RANBP9: variants seen among roughly 807,000 people sequenced by gnomAD.
RANBP9 encodes RAN binding protein 9.
Under a neutral mutation model 84.3 loss-of-function variants are expected in RANBP9, and 15 were observed. The observed-to-expected ratio is 0.18, with a 90% CI of 0.12 to 0.27. RANBP9 has a LOEUF of 0.27. Among genes scored for constraint, RANBP9 ranks in the 10% least tolerant of loss-of-function variants. RANBP9 has a pLI of 1.00. For missense variants in RANBP9, 809 were observed against 912.8 expected, an observed-to-expected ratio of 0.89 and a Z score of 1.46; for synonymous variants, 392 against 349.6, an observed-to-expected ratio of 1.12 and a Z score of -1.35.
intron 1 of RANBP9, 48 bp from the exon 2 acceptor site, chr6:13,696,944 G>A: frequency 6.9e-7 from 1 of 1,447,892 alleles, no homozygotes; most frequent in Non-Finnish European, 9.6e-7. Flanking sequence ...GATATTCACT[G>A]AAAGATGAAA....
intron 2 of RANBP9, among the ~76,000 whole-genome samples, chr6:13,687,287 C>T (rs1766212494): frequency 1.3e-5 from 2 of 152,066 alleles, no homozygotes; most frequent in South Asian, 4.2e-4. Context: ...CTGGGATTCC[C>T]CTAGCAGCTC....
chr6:13,622,599 C>A lies in RANBP9; in HGVS notation c.2060-107G>T, dbSNP rs1764482053. 3.4e-6 allele frequency: 4 copies of A among 1,178,660 alleles called. No homozygotes were observed. The South Asian group carries it at 8.3e-5, about 24-fold the overall frequency. The allele number at this position is 1,178,660 out of a possible 1,614,324, so 73.0% of individuals were successfully genotyped here. A position where few individuals can be genotyped will look rare whatever the true frequency, so the allele number is the denominator to read the frequency against. On this transcript the variant is annotated intron_variant, in intron 13 of 13. Transcript: ENST00000011619. Reference sequence around the variant, plus strand: ...GACTTTAAAAACTACCACTCCCATACCACTCTGAAATATCAGCAAATGAAG... The same window carrying A: ...GACTTTAAAAACTACCACTCCCATAACACTCTGAAATATCAGCAAATGAAG...
At chr6:13,625,112 A>C (rs1417929203) in intron 13 of RANBP9, among the ~76,000 whole-genome samples, 1 of 151,896 alleles carries the variant, frequency 6.6e-6, no homozygotes, top group African/African-American at 2.4e-5. Context: ...CTCCATCAAA[A>C]CCTTTCTTGA....
intron 1 of RANBP9, among the ~76,000 whole-genome samples, chr6:13,702,623 A>G (rs1338711691): frequency 6.6e-6 from 1 of 152,212 alleles, no homozygotes; most frequent in Non-Finnish European, 1.5e-5. Context: ...GGAATTTTTA[A>G]GGATAATTTT....
intron 5 of RANBP9, among the ~76,000 whole-genome samples, chr6:13,651,588 G>C (rs1435638738): frequency 6.6e-6 from 1 of 151,538 alleles, no homozygotes; most frequent in Non-Finnish European, 1.5e-5. Context: ...TTTTAGTAGA[G>C]ACGGGGGTTC....
chr6:13,683,064 A>G (rs1766082180), intron 2 of RANBP9, among the ~76,000 whole-genome samples: 1 of 152,238 alleles, frequency 6.6e-6, no homozygotes. Context: ...AATCACAAAG[A>G]ATCACTGGGA....
In RANBP9 at chr6:13,711,442, G is replaced by A; in HGVS notation, c.64C>T (p.Pro22Ser). Residue 22 changes from proline to serine, a missense_variant, in exon 1 of 14, where the codon CCA becomes TCA. Around this residue, in one of 5 missense-constraint regions of RANBP9, gnomAD observed 302 missense variants for 240.1 expected, o/e 1.26. Coordinates refer to ENST00000011619, the MANE Select transcript of RANBP9 (RefSeq NM_005493.3). ...QQQQQQQLSP[P>S]PPAALAPVSG... ...ACTGGGGCCAAGGCCGCCGGCGGTGGCGGCGACAGCTGCTGCTGCTGTTGC... is the reference window on the plus strand; with the variant it reads ...ACTGGGGCCAAGGCCGCCGGCGGTGACGGCGACAGCTGCTGCTGCTGTTGC... The A allele has an allele frequency of 1.7e-6, 2 of 1,205,292 alleles. No individual in the cohort carries two copies. Among genetic ancestry groups the A allele is most frequent in the East Asian group, 3.4e-5 (1 of 29,410 alleles). The allele number at this position is 1,205,292 out of a possible 1,614,324, so 74.7% of individuals were successfully genotyped here. A position where few individuals can be genotyped will look rare whatever the true frequency, so the allele number is the denominator to read the frequency against.
At chr6:13,677,712 A>G (rs140063323) in intron 2 of RANBP9, among the ~76,000 whole-genome samples, 69 of 152,344 alleles carry the variant, frequency 4.5e-4, no homozygotes, top group African/African-American at 1.6e-3. Context: ...CTCATGTAAA[A>G]GAACAAACTT....
At chr6:13,676,381 G>C (rs984705565) in intron 2 of RANBP9, among the ~76,000 whole-genome samples, 1 of 151,886 alleles carries the variant, frequency 6.6e-6, no homozygotes, top group Non-Finnish European at 1.5e-5. Context: ...AAACATGTAA[G>C]GAAGAAATAA....
intron 2 of RANBP9, among the ~76,000 whole-genome samples, chr6:13,693,840 C>G (rs9349736): frequency 2.6e-5 from 4 of 151,892 alleles, no homozygotes; most frequent in Non-Finnish European, 4.4e-5. Context: ...GTCAGGCGCT[C>G]GAGACCAGCC....
At chr6:13,668,425 T>C (rs1765700643) in intron 2 of RANBP9, among the ~76,000 whole-genome samples, 1 of 151,858 alleles carries the variant, frequency 6.6e-6, no homozygotes, top group Non-Finnish European at 1.5e-5. Flanking sequence ...ACAAAAAAAC[T>C]ACAGAAAAAA....
intron 5 of RANBP9, among the ~76,000 whole-genome samples, chr6:13,645,518 T>A (rs1488943520): frequency 1.3e-5 from 2 of 152,200 alleles, no homozygotes; most frequent in Non-Finnish European, 2.9e-5. Context: ...AAAGGCAGAA[T>A]GAGTTTCTGA....
chr6:13,698,817 C>T (rs1250990705), intron 1 of RANBP9, among the ~76,000 whole-genome samples: 5 of 151,970 alleles, frequency 3.3e-5, no homozygotes, highest in South Asian at 2.1e-4. Context: ...CTGCTAAAAG[C>T]GAATTCCAAA....
chr6:13,644,498 A>C (rs750385183), intron 6 of RANBP9, 47 bp downstream of exon 6: 1 of 1,559,314 alleles, frequency 6.4e-7, no homozygotes, highest in Non-Finnish European at 8.7e-7. Context: ...AATGTCTTAT[A>C]AAAAACAGAT....
intron 11 of RANBP9, 46 bp from the exon 12 acceptor site, chr6:13,632,567 TATA>T (rs1764820775): frequency 6.5e-7 from 1 of 1,533,306 alleles, no homozygotes; most frequent in African/African-American, 1.4e-5. Flanking sequence ...TGGAATGGAG[TATA>T]ATGAGGACAC....
At chr6:13,698,181 GC>G (rs1757886707) in intron 1 of RANBP9, among the ~76,000 whole-genome samples, 1 of 151,862 alleles carries the variant, frequency 6.6e-6, no homozygotes, top group Non-Finnish European at 1.5e-5. Flanking sequence ...AATGAATTCT[GC>G]CACTCCTTCC....
At chr6:13,681,990 T>C (rs1254712129) in intron 2 of RANBP9, among the ~76,000 whole-genome samples, 2 of 152,004 alleles carry the variant, frequency 1.3e-5, no homozygotes, top group African/African-American at 4.8e-5. Context: ...TCCTGAGTAG[T>C]AGCTGGGATT....
chr6:13,638,032 G>A, intron 9 of RANBP9, 77 bp from the exon 10 acceptor site: 1 of 1,340,974 alleles, frequency 7.5e-7, no homozygotes. Flanking sequence ...TCTCCATGTT[G>A]ATTTTGTACT....
chr6:13,694,905 T>G (rs1766407041), intron 2 of RANBP9, among the ~76,000 whole-genome samples: 1 of 152,184 alleles, frequency 6.6e-6, no homozygotes, highest in Non-Finnish European at 1.5e-5. Context: ...GGTCTTGCAA[T>G]GTATCCCCCA....
Sources: allele counts gnomAD v4.1 joint callset (sites outside exome capture counted in the v4.1 genomes callset), GRCh38; gene constraint gnomAD v4.1.1; regional missense constraint gnomAD v4.1.1; transcripts MANE v1.5; gene names NCBI Gene and HGNC (gene_info 2026-07-23, HGNC 2026-07-21).